The following PTH2R variants were observed in gnomAD, a reference collection of about 807,000 sequenced individuals.
PTH2R encodes the protein PTH2 receptor.
Under a neutral mutation model 60.3 loss-of-function variants are expected in PTH2R, and 59 were observed. The ratio of observed to expected loss-of-function variants is 0.98; its 90% confidence interval spans 0.79 to 1.22. The LOEUF (loss-of-function observed/expected upper bound fraction) is 1.22. Ranked by LOEUF, PTH2R falls within the 50% of genes most tolerant of loss-of-function variation. The probability of loss-of-function intolerance (pLI) is 0.00; values close to 1 mark genes in which losing one functional copy is unlikely to be tolerated. For synonymous variants in PTH2R, 256 were observed against 243.8 expected (o/e 1.05, Z -0.47); for missense variants, 749 against 682.6 (o/e 1.10, Z -1.08).
At chr2:208,404,684 C>T (rs1701369065), upstream of PTH2R, among the ~76,000 whole-genome samples, 1 of 152,110 alleles carries the variant, frequency 6.6e-6, no homozygotes, top group Admixed American at 6.5e-5. Context: ...TGCACACGAG[C>T]CACTGCACAT....
At position 208,399,527 on chromosome 2, in the gene PTH2R, GATTAA is replaced by G. The variant is rs796851135; in HGVS notation, c.-258-28672_-258-28668del. On this transcript the variant is annotated intron_variant, in intron 1 of 12. Transcript: ENST00000617735. ...TGGTGGGGCTGGGTTCCAAGTAGGT[GATTAA>G]AAACCCTAGACACCAGGACTCAGAT... Among the ~76,000 whole-genome samples the G allele has an allele frequency of 5.9e-5, 9 of 152,128 alleles. 1 individual carries two copies. The highest frequency in any genetic ancestry group is 2.2e-4 in the African/African-American group (9 of 41,502).
intron 1 of PTH2R, among the ~76,000 whole-genome samples, chr2:208,362,685 T>C (rs1448173721): frequency 6.6e-6 from 1 of 152,210 alleles, no homozygotes; most frequent in Non-Finnish European, 1.5e-5. Flanking sequence ...TTTGGGTAAA[T>C]ACCCAGAAGT....
At chr2:208,427,022 G>C (rs1701870233) in intron 1 of PTH2R, among the ~76,000 whole-genome samples, 1 of 152,130 alleles carries the variant, frequency 6.6e-6, no homozygotes, top group African/African-American at 2.4e-5. Flanking sequence ...CTATAAAAAG[G>C]CTGCGTGTAC....
At position 208,389,812 on chromosome 2, in the gene PTH2R, T is replaced by TG. The variant is rs542192519; in HGVS notation, c.-259+29582dup. 1.4e-3 allele frequency among the ~76,000 whole-genome samples: 212 copies of TG among 150,026 alleles called. 1 individual carries two copies. Among genetic ancestry groups the TG allele is most frequent in the Non-Finnish European group, 2.1e-3 (141 of 67,468 alleles). On this transcript the variant is annotated intron_variant, in intron 1 of 12. Coordinates refer to the PTH2R transcript ENST00000617735. The stretch of plus-strand genomic sequence containing the variant: ...TCCGCTTTTTCTTTTTTTGCGGGGG[T>TG]GGGGGGGTTGTTTGTTTTCTAAACT...
At chr2:208,463,791 T>C (rs1377012511) in intron 9 of PTH2R, among the ~76,000 whole-genome samples, 1 of 152,236 alleles carries the variant, frequency 6.6e-6, no homozygotes, top group Admixed American at 6.5e-5. Context: ...TTCTACCTTG[T>C]ATATCAGGAA....
intron 7 of PTH2R, among the ~76,000 whole-genome samples, chr2:208,449,478 G>GATAA (rs776687201): frequency 6.6e-6 from 1 of 152,058 alleles, no homozygotes. Flanking sequence ...TAGATAGATA[G>GATAA]AATATGCAAA....
At chr2:208,450,347 G>A (rs558405083) in intron 7 of PTH2R, among the ~76,000 whole-genome samples, 8 of 152,252 alleles carry the variant, frequency 5.3e-5, no homozygotes, top group African/African-American at 1.9e-4. Flanking sequence ...TAAAACAACA[G>A]CATCCCTCAG....
At chr2:208,464,245 T>C (rs1026842477) in intron 9 of PTH2R, among the ~76,000 whole-genome samples, 1 of 152,214 alleles carries the variant, frequency 6.6e-6, no homozygotes, top group African/African-American at 2.4e-5. Context: ...TATAACATAA[T>C]GTTATTTTCA....
chr2:208,493,532 T>C lies in PTH2R; in HGVS notation c.1526T>C (p.Phe509Ser), dbSNP rs1703460093. The C allele has an allele frequency of 1.2e-6, 2 of 1,613,984 alleles. No individual in the cohort carries two copies. Among genetic ancestry groups the C allele is most frequent in the Non-Finnish European group, 1.7e-6 (2 of 1,179,890 alleles). ...NSEQDCLPHSFHEETKEDSGR... is the reference protein window; with the variant it reads ...NSEQDCLPHSSHEETKEDSGR... The stretch of plus-strand genomic sequence containing the variant: ...GAGCAGGACTGCCTGCCACACTCTT[T>C]CCACGAGGAGACCAAGGAAGATAGT... Residue 509 changes from phenylalanine to serine, a missense_variant, in exon 13 of 13, where the codon TTC becomes TCC. Coordinates refer to ENST00000272847, the MANE Select transcript of PTH2R (RefSeq NM_005048.4).
intron 10 of PTH2R, among the ~76,000 whole-genome samples, chr2:208,485,668 A>G (rs1703257554): frequency 6.6e-6 from 1 of 152,148 alleles, no homozygotes; most frequent in Non-Finnish European, 1.5e-5. Flanking sequence ...GGCAGGAATT[A>G]TTTGCATTAC....
At position 208,406,966 on chromosome 2, in the gene PTH2R, C is replaced by G; in HGVS notation, c.-78C>G. On this transcript the variant is annotated 5_prime_UTR_variant, in exon 1 of 13. Transcript: ENST00000272847. ...TTACTGGCCACAAGTTTGCTCTGGGCCAGCCAAGTTGGCAACTTGGAAGCT... is the reference window on the plus strand; with the variant it reads ...TTACTGGCCACAAGTTTGCTCTGGGGCAGCCAAGTTGGCAACTTGGAAGCT... 1.6e-6 allele frequency: 2 copies of G among 1,255,932 alleles called. No individual in the cohort carries two copies. Among genetic ancestry groups the G allele is most frequent in the Non-Finnish European group, 2.1e-6 (2 of 957,002 alleles). 77.8% of individuals were successfully genotyped at this position (1,255,932 alleles called of 1,614,324 possible). A position where few individuals can be genotyped will look rare whatever the true frequency, so the allele number is the denominator to read the frequency against.
intron 9 of PTH2R, among the ~76,000 whole-genome samples, chr2:208,474,851 C>A (rs530586026): frequency 6.6e-6 from 1 of 152,196 alleles, no homozygotes; most frequent in Non-Finnish European, 1.5e-5. Context: ...CCTTTAAGTG[C>A]ATAGTCCTGT....
chr2:208,465,368 C>T (rs1448693940), intron 9 of PTH2R, among the ~76,000 whole-genome samples: 1 of 107,758 alleles, frequency 9.3e-6, no homozygotes. Flanking sequence ...TTTTCACATA[C>T]TTGTTGGCTA....
At chr2:208,487,776 A>G (rs79377977) in intron 10 of PTH2R, among the ~76,000 whole-genome samples, 7,514 of 152,260 alleles carry the variant, frequency 0.049, 373 homozygotes, top group African/African-American at 0.12. Flanking sequence ...GATTGTTGGT[A>G]GGATTCAGTT....
chr2:208,425,739 T>A (rs890674494), intron 1 of PTH2R, among the ~76,000 whole-genome samples: 1 of 152,216 alleles, frequency 6.6e-6, no homozygotes, highest in African/African-American at 2.4e-5. Flanking sequence ...AGGCTGTCTT[T>A]TTTCTTCCTT....
intron 1 of PTH2R, among the ~76,000 whole-genome samples, chr2:208,378,834 C>T (rs1435331546): frequency 6.6e-6 from 1 of 152,112 alleles, no homozygotes; most frequent in Non-Finnish European, 1.5e-5. Context: ...GACAGTGCAC[C>T]TGAGTTATAC....
intron 1 of PTH2R, among the ~76,000 whole-genome samples, chr2:208,385,997 A>G (rs1700994619): frequency 6.6e-6 from 1 of 152,210 alleles, no homozygotes; most frequent in South Asian, 2.1e-4. Context: ...TCTGCTGGCA[A>G]TAGTTTTAAG....
At chr2:208,387,467 A>C (rs902513083) in intron 1 of PTH2R, among the ~76,000 whole-genome samples, 5 of 152,198 alleles carry the variant, frequency 3.3e-5, no homozygotes, top group Admixed American at 2.6e-4. Context: ...TGTCTCCATC[A>C]TACTATACTT....
At chr2:208,478,285 G>A (rs1379898237) in intron 9 of PTH2R, among the ~76,000 whole-genome samples, 5 of 152,072 alleles carry the variant, frequency 3.3e-5, no homozygotes, top group East Asian at 1.9e-4. Context: ...AAGAACATGC[G>A]TTTGTTCTCT....
Sources: gnomAD v4.1 joint callset for allele counts (sites outside exome capture counted in the v4.1 genomes callset) on GRCh38, gnomAD v4.1.1 for gene constraint, MANE v1.5 for transcripts, NCBI Gene and HGNC (gene_info 2026-07-23, HGNC 2026-07-21) for gene names.